DHX16: variants seen among roughly 807,000 people sequenced by gnomAD.
DHX16 encodes pre-mRNA-splicing factor ATP-dependent RNA helicase DHX16.
DHX16 carries 81 observed loss-of-function variants against 131.2 expected under a neutral mutation model. The observed-to-expected ratio is 0.62, with a 90% CI of 0.52 to 0.74. The LOEUF is 0.74. DHX16 is among the 30% of genes least tolerant of loss of function. The probability of loss-of-function intolerance (pLI) is 0.00; values close to 1 mark genes in which losing one functional copy is unlikely to be tolerated. For synonymous variants in DHX16, 440 were observed against 520.2 expected (o/e 0.85, Z 2.10); for missense variants, 980 against 1,363.1 (o/e 0.72, Z 4.43).
At chr6:30,671,387 G>C in intron 1 of DHX16, 113 bp from the exon 2 acceptor site, 3 of 995,672 alleles carry the variant, frequency 3.0e-6, no homozygotes, top group Non-Finnish European at 3.0e-6. Context: ...CCCGCGGCCC[G>C]GCCCCACTGT....
rs1768608295 is a variant in DHX16 at position 30,662,575 on chromosome 6, C to G, written c.1544+52G>C. The G allele has an allele frequency of 6.8e-7, 1 of 1,474,304 alleles. No individual in the cohort carries two copies. Among genetic ancestry groups the G allele is most frequent in the African/African-American group, 1.4e-5 (1 of 72,128 alleles). The allele number at this position is 1,474,304 out of a possible 1,614,324, so 91.3% of individuals were successfully genotyped here. On this transcript the variant is annotated intron_variant, in intron 9 of 19. Transcript: ENST00000376442. The surrounding 1 kb of genome is among the most constrained non-coding windows in gnomAD (Gnocchi z 4.7). ...GGGTGGATTAATCAGAAGACAATGG[C>G]TGAATTGGCTGGGTGGGAAGAAGGG...
chr6:30,663,413 A>G (rs991404315), intron 7 of DHX16, among the ~76,000 whole-genome samples: 6 of 152,022 alleles, frequency 3.9e-5, no homozygotes, highest in African/African-American at 1.4e-4. Flanking sequence ...ACATAGTGTG[A>G]CAAAAAAATT....
rs1769409027 is a variant in DHX16, at chr6:30,670,296, C to T, written c.666+114G>A. The T allele has an allele frequency of 9.4e-7, 1 of 1,063,694 alleles. No individual in the cohort carries two copies. The highest frequency in any genetic ancestry group is 2.6e-5 in the East Asian group (1 of 38,178). The allele number at this position is 1,063,694 out of a possible 1,614,324, so 65.9% of individuals were successfully genotyped here. A position where few individuals can be genotyped will look rare whatever the true frequency, so the allele number is the denominator to read the frequency against. On this transcript the variant is annotated intron_variant, in intron 4 of 19. Coordinates refer to ENST00000376442, the MANE Select transcript of DHX16 (RefSeq NM_003587.5). The surrounding 1 kb of genome is among the most constrained non-coding windows in gnomAD (Gnocchi z 4.4). ...CCAAGCCCCTCTTCTAGAAACCTGA[C>T]CACCCCATCAGCATCCACACTGTGC...
At position 30,672,620 on chromosome 6, in the gene DHX16, C is replaced by T; in HGVS notation, c.207+15G>A. ...CGGGACAAATCACAGGGCCCCTCCCCACCCCTGCCGACACCTTGTTCCAGA... is the reference window on the plus strand; with the variant it reads ...CGGGACAAATCACAGGGCCCCTCCCTACCCCTGCCGACACCTTGTTCCAGA... On this transcript the variant is annotated intron_variant, in intron 1 of 19. Coordinates refer to ENST00000376442, the MANE Select transcript of DHX16 (RefSeq NM_003587.5). The T allele has an allele frequency of 6.2e-7, 1 of 1,601,918 alleles. No homozygotes were observed. Among genetic ancestry groups the T allele is most frequent in the African/African-American group, 1.3e-5 (1 of 74,850 alleles).
chr6:30,657,194 G>A (rs1768067741), intron 12 of DHX16, 102 bp from the exon 13 acceptor site: 10 of 1,233,664 alleles, frequency 8.1e-6, no homozygotes, highest in African/African-American at 3.0e-5. Context: ...TGCAGTAAGG[G>A]GCAGGAGCTG....
chr6:30,659,866 G>C (rs1276597855), intron 10 of DHX16, 32 bp from the exon 11 acceptor site: 1 of 1,605,312 alleles, frequency 6.2e-7, no homozygotes, highest in African/African-American at 1.3e-5. Flanking sequence ...GGTCACAGGA[G>C]GGCCACCTGC....
intron 4 of DHX16, among the ~76,000 whole-genome samples, chr6:30,667,184 C>T (rs2127592144): frequency 6.6e-6 from 1 of 152,292 alleles, no homozygotes; most frequent in Middle Eastern, 3.4e-3. Context: ...CAAACATTTA[C>T]CCTTTTTAAG....
At position 30,672,913 on chromosome 6, in the gene DHX16, C is replaced by T; in HGVS notation, c.-72G>A. Reference sequence around the variant, plus strand: ...CGCTCACTGCTGGGCCGGTCAGAGGCCTGGAGCCCTCGGCTGGAGCCTCAG... The same window carrying T: ...CGCTCACTGCTGGGCCGGTCAGAGGTCTGGAGCCCTCGGCTGGAGCCTCAG... On this transcript the variant is annotated 5_prime_UTR_variant, in exon 1 of 20. Transcript: ENST00000376442. 6.3e-7 allele frequency: 1 copy of T among 1,589,496 alleles called. No homozygotes were observed. The highest frequency in any genetic ancestry group is 8.6e-7 in the Non-Finnish European group (1 of 1,168,324).
In DHX16 at chr6:30,662,042, C is replaced by T; in HGVS notation, c.1544+585G>A. 1 of 600,986 alleles carries T rather than the reference C, an allele frequency of 1.7e-6. No individual in the cohort carries two copies. Among genetic ancestry groups the T allele is most frequent in the Non-Finnish European group, 3.0e-6 (1 of 332,478 alleles). 37.2% of individuals were successfully genotyped at this position (600,986 alleles called of 1,614,324 possible). Reference sequence around the variant, plus strand: ...TCCCTTTTCCCCCTCAACACATGTTCAACCAACCCCTGCTTGGCCATTTCC... The same window carrying T: ...TCCCTTTTCCCCCTCAACACATGTTTAACCAACCCCTGCTTGGCCATTTCC... On this transcript the variant is annotated intron_variant, in intron 9 of 19. Coordinates refer to ENST00000376442, the MANE Select transcript of DHX16 (RefSeq NM_003587.5). The surrounding 1 kb of genome is among the most constrained non-coding windows in gnomAD (Gnocchi z 4.7).
At chr6:30,669,117 T>A (rs557550378) in intron 4 of DHX16, among the ~76,000 whole-genome samples, 114 of 150,568 alleles carry the variant, frequency 7.6e-4, no homozygotes, top group African/African-American at 2.1e-3. Context: ...AAAAAATAAA[T>A]AAATGAATTT....
intron 16 of DHX16, 78 bp from the exon 17 acceptor site, chr6:30,655,675 G>A (rs1767918418): frequency 6.6e-7 from 1 of 1,507,772 alleles, no homozygotes; most frequent in African/African-American, 1.4e-5. Flanking sequence ...AGTGATCACT[G>A]TGTGATGGAT....
At chr6:30,660,544 T>C (rs1768415083) in intron 9 of DHX16, 3 of 340,772 alleles carry the variant, frequency 8.8e-6, no homozygotes, top group Non-Finnish European at 1.6e-5. Flanking sequence ...GTCAAGAGTC[T>C]GCTTAGACTC....
chr6:30,662,492 T>C lies in DHX16; in HGVS notation c.1544+135A>G. The C allele has an allele frequency of 1.4e-6, 1 of 693,664 alleles. No homozygotes were observed. The highest frequency in any genetic ancestry group is 1.7e-5 in the South Asian group (1 of 59,098). The allele number at this position is 693,664 out of a possible 1,614,324, so 43.0% of individuals were successfully genotyped here. On this transcript the variant is annotated intron_variant, in intron 9 of 19. Coordinates refer to ENST00000376442, the MANE Select transcript of DHX16 (RefSeq NM_003587.5). The surrounding 1 kb of genome is among the most constrained non-coding windows in gnomAD (Gnocchi z 4.7). The stretch of plus-strand genomic sequence containing the variant: ...CAATCTCTTCTGTCCTCCAGCCCCA[T>C]CTCCGTGGTACCTGGAGGTCAGTTC...
Position 30,665,240 on chromosome 6 carries a change from G to A in DHX16, c.956C>T (p.Ser319Leu). 6.2e-7 allele frequency: 1 copy of A among 1,604,938 alleles called. No individual in the cohort carries two copies. The highest frequency in any genetic ancestry group is 8.5e-7 in the Non-Finnish European group (1 of 1,179,762). ...ARAVDLVEEE[S>L]GAPGEEQRRW... ...CCGCTGCTCCTCCCCAGGGGCTCCT[G>A]ATTCCTCCTCCACTAGATCCACAGC... Residue 319 changes from serine (S) to leucine (L), a missense_variant, in exon 6 of 20, where the codon TCA becomes TTA. Physicochemically the swap from Ser to Leu is moderately radical, Grantham distance 145. Transcript: ENST00000376442. This position sits in a 1 kb window ranked among gnomAD's most constrained non-coding sequence, Gnocchi z 4.8.
intron 12 of DHX16, among the ~76,000 whole-genome samples, chr6:30,658,781 G>T (rs1300387999): frequency 6.6e-6 from 1 of 152,106 alleles, no homozygotes; most frequent in Non-Finnish European, 1.5e-5. Context: ...GCCCCAAATT[G>T]TTTTTAGCCT....
Position 30,656,686 on chromosome 6 carries a change from C to T in DHX16, c.2222G>A (p.Trp741Ter). The change falls in exon 14 of 20, where the codon TGG becomes TAG. Residue 741 changes from tryptophan to a stop codon, truncating the protein, a stop_gained. Transcript: ENST00000376442. LOFTEE classifies it high-confidence loss of function. This position sits in a 1 kb window ranked among gnomAD's most constrained non-coding sequence, Gnocchi z 5.1. ...AGKCFRLYTA[W>*]AYQHELEETT... ...TTCCTCAAGCTCGTGCTGATAGGCC[C>T]AGGCGGTATACAGGCGGAAGCACTT... The T allele has an allele frequency of 6.2e-7, 1 of 1,613,922 alleles. No individual in the cohort carries two copies. The highest frequency in any genetic ancestry group is 8.5e-7 in the Non-Finnish European group (1 of 1,180,040).
In DHX16 at chr6:30,672,726, G is replaced by A. The variant is rs745872838; in HGVS notation, c.116C>T (p.Ser39Phe). 22 of 1,613,054 alleles carry A rather than the reference G, an allele frequency of 1.4e-5. No homozygotes were observed. Among genetic ancestry groups the A allele is most frequent in the Non-Finnish European group, 1.9e-5 (22 of 1,180,016 alleles). The change falls in exon 1 of 20, where the codon TCT becomes TTT. Residue 39 changes from serine (S) to phenylalanine (F), a missense_variant. Around this residue, in one of 3 missense-constraint regions of DHX16, gnomAD observed 457 missense variants for 554.8 expected, o/e 0.82. Transcript: ENST00000376442. ...TAGGCGCTGCACGAACTCCTCGGCA[G>A]AGGTGCAGCGCTGTGCGGTACCGAT... ...FLIGTAQRCTSAEEFVQRLRD... is the reference protein window; with the variant it reads ...FLIGTAQRCTFAEEFVQRLRD...
Position 30,670,892 on chromosome 6 carries a change from A to T in DHX16, c.507T>A (p.Arg169=). 6.2e-7 allele frequency: 1 copy of T among 1,613,010 alleles called. No homozygotes were observed. Among genetic ancestry groups the T allele is most frequent in the Non-Finnish European group, 8.5e-7 (1 of 1,180,024 alleles). Residue 169 remains arginine (R), a synonymous_variant, in exon 3 of 20, where the codon CGT becomes CGA. Coordinates refer to ENST00000376442, the MANE Select transcript of DHX16 (RefSeq NM_003587.5). This position sits in a 1 kb window ranked among gnomAD's most constrained non-coding sequence, Gnocchi z 4.4. ...ESEDEWERTE[R]ERLQDLEERD... is the part of the protein sequence containing the mutation. ...GCTCCTCCAGGTCCTGAAGGCGTTC[A>T]CGCTCTGTCCGTTCCCACTCATCTT...
chr6:30,671,101 G>T lies in DHX16; in HGVS notation c.381C>A (p.His127Gln), dbSNP rs1464405781. The change falls in exon 2 of 20, where the codon CAC becomes CAA. Residue 127 changes from histidine to glutamine, a missense_variant. By Grantham distance (24) the His-to-Gln change is conservative (BLOSUM62 0). This residue lies in a region of DHX16 where 457 missense variants were observed against 554.8 expected (regional missense o/e 0.82). Coordinates refer to ENST00000376442, the MANE Select transcript of DHX16 (RefSeq NM_003587.5). ...SLQKKRKKRK[H>Q]LRKKREEEEE... ...CTTCTTCCTCACGCTTCTTCCTGAG[G>T]TGTTTCCGCTTTTTACGTTTCTTCT... 1 of 1,612,884 alleles carries T rather than the reference G, an allele frequency of 6.2e-7. No homozygotes were observed. Among genetic ancestry groups the T allele is most frequent in the African/African-American group, 1.3e-5 (1 of 74,870 alleles).
Sources: gnomAD v4.1 joint callset for allele counts (sites outside exome capture counted in the v4.1 genomes callset) on GRCh38, gnomAD v4.1.1 for gene constraint, gnomAD v4.1.1 regional missense constraint, Gnocchi (gnomAD v3.1) non-coding constraint, MANE v1.5 for transcripts, NCBI Gene and HGNC (gene_info 2026-07-23, HGNC 2026-07-21) for gene names.